Variants in MCC observed in about 807,000 individuals in gnomAD.
The protein encoded by MCC is MCC regulator of Wnt signaling pathway, also known as colorectal mutant cancer protein.
MCC carries 90 observed loss-of-function variants against 116.2 expected under a neutral mutation model. That is an observed-to-expected ratio of 0.77 (90% CI 0.65 to 0.92). The LOEUF is 0.92. MCC is among the 40% of genes least tolerant of loss of function. The pLI, the probability that MCC is intolerant of heterozygous loss-of-function variation, is 0.00. For synonymous variants in MCC, 578 were observed against 510.5 expected (o/e 1.13, Z -1.78); for missense variants, 1,516 against 1,312.2 (o/e 1.16, Z -2.40).
chr5:113,309,493 T>G (rs1767085744), intron 3 of MCC, among the ~76,000 whole-genome samples: 1 of 152,242 alleles, frequency 6.6e-6, no homozygotes. Context: ...TTACTTCCCT[T>G]AGGATAATAG....
intron 3 of MCC, among the ~76,000 whole-genome samples, chr5:113,266,283 T>C (rs1392417661): frequency 6.6e-6 from 1 of 151,696 alleles, no homozygotes; most frequent in Non-Finnish European, 1.5e-5. Context: ...TCACCAGCAA[T>C]TCTGAAAAAA....
intron 3 of MCC, among the ~76,000 whole-genome samples, chr5:113,204,762 T>G (rs115994221): frequency 7.2e-5 from 11 of 152,306 alleles, no homozygotes; most frequent in Non-Finnish European, 1.3e-4. Flanking sequence ...GGTAATTGCA[T>G]CTACTTCTGA....
chr5:113,251,317 C>T (rs1248404356), intron 3 of MCC, among the ~76,000 whole-genome samples: 1 of 152,186 alleles, frequency 6.6e-6, no homozygotes, highest in Non-Finnish European at 1.5e-5. Flanking sequence ...CATTTGATTT[C>T]AACTGTTAGA....
intron 3 of MCC, among the ~76,000 whole-genome samples, chr5:113,273,463 CTTTGACTTT>C (rs1765688529): frequency 6.6e-6 from 1 of 152,112 alleles, no homozygotes; most frequent in South Asian, 2.1e-4. Flanking sequence ...TCACTTGGGT[CTTTGACTTT>C]TTTGGTATTG....
chr5:113,319,607 A>T (rs573322308), intron 3 of MCC, among the ~76,000 whole-genome samples: 2 of 152,288 alleles, frequency 1.3e-5, no homozygotes, highest in East Asian at 3.9e-4. Context: ...ACCAAAATTC[A>T]ACTTGAAGGA....
Position 113,353,478 on chromosome 5 carries a change from A to G in MCC, c.416-12748T>C, listed in dbSNP as rs530446283. ...ATTATACATTTAAACCTCTCTCTTT[A>G]TGGTCTCTCAATACTACTTAAATGT... On this transcript the variant is annotated intron_variant, in intron 2 of 18. Transcript: ENST00000408903. Among the ~76,000 whole-genome samples the G allele has an allele frequency of 1.4e-3, 210 of 152,318 alleles. 1 individual carries two copies. Among genetic ancestry groups the G allele is most frequent in the African/African-American group, 4.8e-3 (201 of 41,578 alleles).
chr5:113,263,848 A>G (rs965796032), intron 3 of MCC, among the ~76,000 whole-genome samples: 1 of 152,116 alleles, frequency 6.6e-6, no homozygotes, highest in Admixed American at 6.6e-5. Context: ...ACACTTCATC[A>G]TGGCAATAGC....
At chr5:113,407,785 C>T (rs981751525) in intron 1 of MCC, among the ~76,000 whole-genome samples, 3 of 152,104 alleles carry the variant, frequency 2.0e-5, no homozygotes, top group Non-Finnish European at 4.4e-5. Flanking sequence ...TCCTGATGCT[C>T]TCCCTTCCCT....
At chr5:113,347,490 A>C (rs940970508) in intron 2 of MCC, among the ~76,000 whole-genome samples, 17 of 152,158 alleles carry the variant, frequency 1.1e-4, no homozygotes, top group African/African-American at 3.9e-4. Flanking sequence ...CCTAAAACTT[A>C]AAGTATAATA....
At chr5:113,311,710 C>T (rs995162101) in intron 3 of MCC, among the ~76,000 whole-genome samples, 29 of 151,872 alleles carry the variant, frequency 1.9e-4, no homozygotes, top group African/African-American at 6.5e-4. Flanking sequence ...TGGTGGCTCA[C>T]GCCTGTAATC....
At chr5:113,363,295 AC>A (rs977192523) in intron 2 of MCC, among the ~76,000 whole-genome samples, 1 of 152,210 alleles carries the variant, frequency 6.6e-6, no homozygotes, top group African/African-American at 2.4e-5. Context: ...AAACAAAAAA[AC>A]AAACAAAAAA....
At chr5:113,093,085 G>C (rs919832375) in intron 8 of MCC, among the ~76,000 whole-genome samples, 3 of 152,166 alleles carry the variant, frequency 2.0e-5, no homozygotes, top group Admixed American at 2.0e-4. Context: ...AAACATAAGA[G>C]AAGGCGACAG....
At chr5:113,358,411 C>G (rs1768465573) in intron 2 of MCC, among the ~76,000 whole-genome samples, 1 of 152,168 alleles carries the variant, frequency 6.6e-6, no homozygotes, top group African/African-American at 2.4e-5. Flanking sequence ...CTGGCCACCC[C>G]TCTGTTTTCT....
intron 1 of MCC, among the ~76,000 whole-genome samples, chr5:113,417,082 G>T (rs1770172193): frequency 6.7e-6 from 1 of 148,866 alleles, no homozygotes; most frequent in Admixed American, 6.9e-5. Flanking sequence ...TGATTCCCCT[G>T]CCTCAGCCTC....
At chr5:113,382,890 G>T (rs1219285638) in intron 2 of MCC, among the ~76,000 whole-genome samples, 2 of 152,178 alleles carry the variant, frequency 1.3e-5, no homozygotes, top group African/African-American at 2.4e-5. Context: ...AGGAGAAAGT[G>T]GTAGGAGGTT....
At chr5:113,162,332 A>G (rs1760534331) in intron 3 of MCC, among the ~76,000 whole-genome samples, 1 of 152,216 alleles carries the variant, frequency 6.6e-6, no homozygotes. Flanking sequence ...GTATTAGTTC[A>G]GCTTTGGGTA....
Position 113,353,299 on chromosome 5 carries a change from C to A in MCC, c.416-12569G>T, listed in dbSNP as rs181917927. The stretch of plus-strand genomic sequence containing the variant: ...ACTCTCAGGCCAGACACAGGAGGGT[C>A]TGGGGGTTCATGAGCACTAGCTTTG... On this transcript the variant is annotated intron_variant, in intron 2 of 18. Transcript: ENST00000408903. Among the ~76,000 whole-genome samples, 26 of 152,240 alleles carry A rather than the reference C, an allele frequency of 1.7e-4. No individual in the cohort carries two copies. In the East Asian group the frequency reaches 3.5e-3, roughly 20 times the overall value.
At chr5:113,392,440 G>A (rs1580324776) in intron 1 of MCC, among the ~76,000 whole-genome samples, 1 of 151,692 alleles carries the variant, frequency 6.6e-6, no homozygotes, top group African/African-American at 2.4e-5. Flanking sequence ...GTGCTGACAA[G>A]GAAACAGAAA....
intron 3 of MCC, among the ~76,000 whole-genome samples, chr5:113,236,811 G>A (rs1413205322): frequency 4.6e-5 from 7 of 152,146 alleles, no homozygotes; most frequent in African/African-American, 1.7e-4. Flanking sequence ...GTTTGTTCAG[G>A]GGGACGGGGG....
Sources: allele counts gnomAD v4.1 joint callset (sites outside exome capture counted in the v4.1 genomes callset), GRCh38; gene constraint gnomAD v4.1.1; transcripts MANE v1.5; gene names NCBI Gene and HGNC (gene_info 2026-07-23, HGNC 2026-07-21).